Variants in RRAS observed in about 807,000 individuals in gnomAD.
RRAS encodes the protein ras-related protein R-Ras.
Under a neutral mutation model 23.3 loss-of-function variants are expected in RRAS, and 18 were observed. The observed-to-expected ratio is 0.77, with a 90% CI of 0.53 to 1.15. The LOEUF (loss-of-function observed/expected upper bound fraction) is 1.15, where lower values mean the gene tolerates loss of function less well. Ranked by LOEUF, RRAS falls within the 50% of genes most tolerant of loss-of-function variation. The pLI is 0.00. For missense variants in RRAS, 291 were observed against 317.1 expected, an observed-to-expected ratio of 0.92 and a Z score of 0.62; for synonymous variants, 133 against 138.3, an observed-to-expected ratio of 0.96 and a Z score of 0.27.
rs1226655923 is a variant in RRAS, at chr19:49,637,219, CCT to C, written c.154-91_154-90del. 55 of 927,660 alleles carry C rather than the reference CCT, an allele frequency of 5.9e-5. No individual in the cohort carries two copies. In the East Asian group the frequency reaches 1.4e-3, roughly 24 times the overall value. The allele number at this position is 927,660 out of a possible 1,614,324, so 57.5% of individuals were successfully genotyped here. On this transcript the variant is annotated intron_variant, in intron 1 of 5. Coordinates refer to ENST00000246792, the MANE Select transcript of RRAS (RefSeq NM_006270.5). ...TGGGATGCCTCTCTCAGTCTCTGTC[CCT>C]CTCTCTCTAAATGTCTGTCCCTGTT...
chr19:49,638,541 G>A (rs1015124537), intron 1 of RRAS, among the ~76,000 whole-genome samples: 3 of 152,178 alleles, frequency 2.0e-5, no homozygotes, highest in South Asian at 2.1e-4. Flanking sequence ...TGCATCTGTC[G>A]GTTAGAGGGG....
chr19:49,640,012 T>C lies in RRAS; in HGVS notation c.87A>G (p.Thr29=), dbSNP rs1230506296. 6.4e-7 allele frequency: 1 copy of C among 1,573,260 alleles called. No individual in the cohort carries two copies. The highest frequency in any genetic ancestry group is 2.4e-5 in the East Asian group (1 of 41,208). ...CGCCGCCCACGACCACCAGCTTGTGTGTCTCGCTGGGCGGGGGGTCCCCGG... is the reference window on the plus strand; with the variant it reads ...CGCCGCCCACGACCACCAGCTTGTGCGTCTCGCTGGGCGGGGGGTCCCCGG... ...PGPGDPPPSE[T]HKLVVVGGGG... Residue 29 remains threonine (T), a synonymous_variant, in exon 1 of 6, where the codon ACA becomes ACG. Transcript: ENST00000246792.
rs1441317812 is a variant in RRAS, at chr19:49,639,955, C to G, written c.144G>C (p.Gln48His). 6.3e-7 allele frequency: 1 copy of G among 1,590,168 alleles called. No homozygotes were observed. Among genetic ancestry groups the G allele is most frequent in the Non-Finnish European group, 8.5e-7 (1 of 1,173,934 alleles). ...GGTGAGGGCCCACTACCTGGATGAA[C>G]TGGATGGTCAGCGCGCTCTTGCCCA... ...GGVGKSALTIQFIQSYFVSDY... is the reference protein window; with the variant it reads ...GGVGKSALTIHFIQSYFVSDY... The change falls in exon 1 of 6, where the codon CAG becomes CAC. Residue 48 changes from glutamine (Q) to histidine (H), a missense_variant. Coordinates refer to ENST00000246792, the MANE Select transcript of RRAS (RefSeq NM_006270.5).
intron 1 of RRAS, among the ~76,000 whole-genome samples, chr19:49,639,587 G>A (rs1200637232): frequency 6.6e-6 from 1 of 152,068 alleles, no homozygotes; most frequent in East Asian, 1.9e-4. Flanking sequence ...GTGGTGGAAG[G>A]TGGCACCAAG....
chr19:49,636,782 C>T lies in RRAS; in HGVS notation c.344+42G>A. ...AGCCAGCTGCAGAGCCCAGGTCCTC[C>T]CCACACCCACCCACTGCTCCGCCAC... On this transcript the variant is annotated intron_variant, in intron 3 of 5. Coordinates refer to ENST00000246792, the MANE Select transcript of RRAS (RefSeq NM_006270.5). The surrounding 1 kb of genome is among the most constrained non-coding windows in gnomAD (Gnocchi z 4.5). 1 of 1,606,898 alleles carries T rather than the reference C, an allele frequency of 6.2e-7. No homozygotes were observed. Among genetic ancestry groups the T allele is most frequent in the Non-Finnish European group, 8.5e-7 (1 of 1,174,400 alleles).
At chr19:49,637,301 CTTTTTTTT>C (rs11400258) in intron 1 of RRAS, among the ~76,000 whole-genome samples, 171 bp from the exon 2 acceptor site, 2 of 104,114 alleles carry the variant, frequency 1.9e-5, no homozygotes, top group East Asian at 6.1e-4. Context: ...CTCTCTGAGT[CTTTTTTTT>C]TTTTTTTTTT....
rs2081015898 is a variant in RRAS at position 49,640,093 on chromosome 19, G to A, written c.6C>T (p.Ser2=). The A allele has an allele frequency of 2.2e-6, 3 of 1,390,986 alleles. No individual in the cohort carries two copies. The highest frequency in any genetic ancestry group is 3.1e-5 in the African/African-American group (2 of 65,180). 86.2% of individuals were successfully genotyped at this position (1,390,986 alleles called of 1,614,324 possible). A position where few individuals can be genotyped will look rare whatever the true frequency, so the allele number is the denominator to read the frequency against. ...GCCCTGTCCCGGACGCCGCCCCGCT[G>A]CTCATGTCGCCACCGCTGCTGCTGC... M[S]SGAASGTGRG... Residue 2 remains serine, a synonymous_variant, in exon 1 of 6, where the codon AGC becomes AGT. Transcript: ENST00000246792.
chr19:49,635,363 C>T lies in RRAS; in HGVS notation c.*213G>A. On this transcript the variant is annotated 3_prime_UTR_variant, in exon 6 of 6. Transcript: ENST00000246792. ...ACAGCAGTGACCCGGAGCCCCTCAC[C>T]CCCACCAGGCTTAGGTGGGGACAGG... is the stretch of plus-strand genomic sequence containing the variant. 2 of 383,964 alleles carry T rather than the reference C, an allele frequency of 5.2e-6. No homozygotes were observed. The highest frequency in any genetic ancestry group is 9.2e-6 in the Non-Finnish European group (2 of 216,370). The allele number at this position is 383,964 out of a possible 1,614,324, so 23.8% of individuals were successfully genotyped here. A position where few individuals can be genotyped will look rare whatever the true frequency, so the allele number is the denominator to read the frequency against.
At position 49,636,717 on chromosome 19, in the gene RRAS, C is replaced by T. The variant is rs1599813785; in HGVS notation, c.355G>A (p.Val119Met). 1 of 1,613,994 alleles carries T rather than the reference C, an allele frequency of 6.2e-7. No homozygotes were observed. The highest frequency in any genetic ancestry group is 1.3e-5 in the African/African-American group (1 of 74,938). Reference sequence around the variant, plus strand: ...AGAATCTGCGTGAAGAGCTTGCCCACCTCGTTGAAACTGCGAGTGAAGCCG... The same window carrying T: ...AGAATCTGCGTGAAGAGCTTGCCCATCTCGTTGAAACTGCGAGTGAAGCCG... Reference protein sequence around the residue: ...AINDRQSFNEVGKLFTQILRV... With the variant: ...AINDRQSFNEMGKLFTQILRV... The change falls in exon 4 of 6, where the codon GTG (valine) becomes ATG (methionine). Residue 119 changes from valine (V) to methionine (M), a missense_variant. Physicochemically the swap from Val to Met is conservative, Grantham distance 21. Transcript: ENST00000246792. The surrounding 1 kb of genome is among the most constrained non-coding windows in gnomAD (Gnocchi z 4.5).
chr19:49,637,007 C>T (rs1277359849), intron 2 of RRAS, 36 bp downstream of exon 2: 4 of 1,608,734 alleles, frequency 2.5e-6, no homozygotes, highest in Non-Finnish European at 3.4e-6. Context: ...CCCACTGACA[C>T]CACCCCCATC....
At position 49,638,177 on chromosome 19, in the gene RRAS, G is replaced by A. The variant is rs1054810656; in HGVS notation, c.154-1047C>T. ...AAGGTCCCGGTTCCAATCCGGCTGC[G>A]GAGAGGCTGCCCCACCCTCGGGCCC... On this transcript the variant is annotated intron_variant, in intron 1 of 5. Coordinates refer to ENST00000246792, the MANE Select transcript of RRAS (RefSeq NM_006270.5). Among the ~76,000 whole-genome samples the A allele has an allele frequency of 5.9e-5, 9 of 152,222 alleles. No individual in the cohort carries two copies. In the South Asian group the frequency reaches 8.3e-4, roughly 14 times the overall value.
chr19:49,637,254 C>A, intron 1 of RRAS, 124 bp from the exon 2 acceptor site: 1 of 656,390 alleles, frequency 1.5e-6, no homozygotes, highest in Non-Finnish European at 2.7e-6. Context: ...GTTGCTGGGT[C>A]TCTGCCCCCT....
rs747515441 is a variant in RRAS at position 49,636,958 on chromosome 19, G to T, written c.242-32C>A. ...AGACAGGGAGAGGGGCCATCGTGGG[G>T]ACCAGGCTCCCCGCAGTCACCCCCA... On this transcript the variant is annotated intron_variant, in intron 2 of 5. Coordinates refer to ENST00000246792, the MANE Select transcript of RRAS (RefSeq NM_006270.5). This position sits in a 1 kb window ranked among gnomAD's most constrained non-coding sequence, Gnocchi z 4.5. The T allele has an allele frequency of 1.1e-5, 17 of 1,608,988 alleles. No individual in the cohort carries two copies. Among genetic ancestry groups the T allele is most frequent in the Non-Finnish European group, 1.4e-5 (16 of 1,176,354 alleles).
Position 49,635,541 on chromosome 19 carries a change from G to A in RRAS, c.*35C>T, listed in dbSNP as rs531683159. 6.7e-6 allele frequency: 9 copies of A among 1,341,902 alleles called. No individual in the cohort carries two copies. The highest frequency in any genetic ancestry group is 5.3e-5 in the Admixed American group (2 of 37,666). 83.1% of individuals were successfully genotyped at this position (1,341,902 alleles called of 1,614,324 possible). On this transcript the variant is annotated 3_prime_UTR_variant, in exon 6 of 6. Coordinates refer to ENST00000246792, the MANE Select transcript of RRAS (RefSeq NM_006270.5). ...GCAAGGTGCGAAGGCAGCTAGTCCCGAGAGCTTGTGGTGGTTGCTTCTCTC... is the reference window on the plus strand; with the variant it reads ...GCAAGGTGCGAAGGCAGCTAGTCCCAAGAGCTTGTGGTGGTTGCTTCTCTC...
rs147777656 is a variant in RRAS, at chr19:49,636,371, G to A, written c.453+248C>T. Reference sequence around the variant, plus strand: ...CGAGGAAGGGGCAAAGAGAGCTGGCGGACGGGGGGTGAATGTCCTTTGTTC... The same window carrying A: ...CGAGGAAGGGGCAAAGAGAGCTGGCAGACGGGGGGTGAATGTCCTTTGTTC... On this transcript the variant is annotated intron_variant, in intron 4 of 5. Coordinates refer to ENST00000246792, the MANE Select transcript of RRAS (RefSeq NM_006270.5). The surrounding 1 kb of genome is among the most constrained non-coding windows in gnomAD (Gnocchi z 4.5). Among the ~76,000 whole-genome samples the A allele has an allele frequency of 7.9e-5, 12 of 152,228 alleles. No homozygotes were observed. In the South Asian group the frequency reaches 1.5e-3, roughly 18 times the overall value.
At chr19:49,638,641 T>A (rs982215947) in intron 1 of RRAS, among the ~76,000 whole-genome samples, 32 of 152,038 alleles carry the variant, frequency 2.1e-4, no homozygotes, top group Non-Finnish European at 3.7e-4. Flanking sequence ...GGGCGTGACC[T>A]CAGAGCACAG....
In RRAS at chr19:49,640,055, C is replaced by G. The variant is rs772132258; in HGVS notation, c.44G>C (p.Arg15Pro). The change falls in exon 1 of 6, where the codon CGG (arginine) becomes CCG (proline). Residue 15 changes from arginine (R) to proline (P), a missense_variant. Transcript: ENST00000246792. ...GTCCCCGGGCCCAGGTCCCCCGCCC[C>G]GGGGCCGCCCCCGCCCTGTCCCGGA... Reference protein sequence around the residue: ...AASGTGRGRPRGGGPGPGDPP... With the variant: ...AASGTGRGRPPGGGPGPGDPP... 2.0e-6 allele frequency: 3 copies of G among 1,487,640 alleles called. No homozygotes were observed. Among genetic ancestry groups the G allele is most frequent in the East Asian group, 2.7e-5 (1 of 36,866 alleles). The allele number at this position is 1,487,640 out of a possible 1,614,324, so 92.2% of individuals were successfully genotyped here. A position where few individuals can be genotyped will look rare whatever the true frequency, so the allele number is the denominator to read the frequency against.
intron 1 of RRAS, among the ~76,000 whole-genome samples, chr19:49,637,907 C>T (rs2081004468): frequency 6.6e-6 from 1 of 152,136 alleles, no homozygotes; most frequent in South Asian, 2.1e-4. Context: ...CCTCTCTGAG[C>T]CTCAGTTTCC....
chr19:49,639,988 G>T lies in RRAS; in HGVS notation c.111C>A (p.Gly37=). 1 of 1,587,078 alleles carries T rather than the reference G, an allele frequency of 6.3e-7. No individual in the cohort carries two copies. Residue 37 remains glycine, a synonymous_variant, in exon 1 of 6, where the codon GGC becomes GGA. Coordinates refer to ENST00000246792, the MANE Select transcript of RRAS (RefSeq NM_006270.5). ...TCAGCGCGCTCTTGCCCACGCCGCC[G>T]CCGCCCACGACCACCAGCTTGTGTG... is the stretch of plus-strand genomic sequence containing the variant. ...SETHKLVVVG[G]GGVGKSALTI... is the part of the protein sequence containing the mutation.
Sources: allele counts gnomAD v4.1 joint callset (sites outside exome capture counted in the v4.1 genomes callset), GRCh38; gene constraint gnomAD v4.1.1; non-coding constraint Gnocchi (gnomAD v3.1); transcripts MANE v1.5; gene names NCBI Gene and HGNC (gene_info 2026-07-23, HGNC 2026-07-21).